Variants in DEFB104B observed in about 807,000 individuals in gnomAD.
The protein encoded by DEFB104B is defensin beta 104B.
In DEFB104B at chr8:7,471,379, T is replaced by C. The variant is rs1485181404; in HGVS notation, c.59-863A>G. 3.3e-5 allele frequency among the ~76,000 whole-genome samples: 3 copies of C among 91,954 alleles called. No homozygotes were observed. In the East Asian group the frequency reaches 9.9e-4, roughly 30 times the overall value. The allele number at this position is 91,954 out of a possible 152,430, so 60.3% of individuals were successfully genotyped here. A position where few individuals can be genotyped will look rare whatever the true frequency, so the allele number is the denominator to read the frequency against. Reference sequence around the variant, plus strand: ...AATAAGGACGTGGTGAGTAAATGATTGGATAGACTAGACCAGAATAAACTA... The same window carrying C: ...AATAAGGACGTGGTGAGTAAATGATCGGATAGACTAGACCAGAATAAACTA... On this transcript the variant is annotated intron_variant, in intron 1 of 1. Coordinates refer to ENST00000316169, the MANE Select transcript of DEFB104B (RefSeq NM_001040702.1).
chr8:7,471,154 A>G (rs1810926821), intron 1 of DEFB104B, among the ~76,000 whole-genome samples: 1 of 150,920 alleles, frequency 6.6e-6, no homozygotes, highest in Non-Finnish European at 1.5e-5. Context: ...TTATATATCT[A>G]TGTATCTATA....
Position 7,474,905 on chromosome 8 carries a change from A to C in DEFB104B, c.58+106T>G, listed in dbSNP as rs1351172506. ...AAGAGAAAAAAGGCTGAGATTGAAGAAGGTTACTCCATCCTTCAGGATTTA... is the reference window on the plus strand; with the variant it reads ...AAGAGAAAAAAGGCTGAGATTGAAGCAGGTTACTCCATCCTTCAGGATTTA... On this transcript the variant is annotated intron_variant, in intron 1 of 1. Transcript: ENST00000316169. 5 of 444,270 alleles carry C rather than the reference A, an allele frequency of 1.1e-5. 1 individual carries two copies. Among genetic ancestry groups the C allele is most frequent in the Non-Finnish European group, 2.1e-5 (5 of 233,114 alleles). The allele number at this position is 444,270 out of a possible 1,614,324, so 27.5% of individuals were successfully genotyped here.
intron 1 of DEFB104B, among the ~76,000 whole-genome samples, chr8:7,471,061 C>T (rs1166440754): frequency 1.3e-3 from 196 of 151,836 alleles, no homozygotes; most frequent in African/African-American, 4.2e-3. Flanking sequence ...TTTCTCTGTC[C>T]TCTTCGTGTA....
chr8:7,471,173 T>C (rs1319044902), intron 1 of DEFB104B, among the ~76,000 whole-genome samples: 45 of 148,090 alleles, frequency 3.0e-4, no homozygotes, highest in African/African-American at 8.9e-4. Context: ...TATAGGTATA[T>C]ATATATACAC....
Position 7,472,913 on chromosome 8 carries a change from A to G in DEFB104B, c.58+2098T>C, listed in dbSNP as rs1187968397. Among the ~76,000 whole-genome samples, 10 of 121,492 alleles carry G rather than the reference A, an allele frequency of 8.2e-5. 1 individual carries two copies. Among genetic ancestry groups the G allele is most frequent in the African/African-American group, 3.0e-4 (9 of 29,890 alleles). 79.7% of individuals were successfully genotyped at this position (121,492 alleles called of 152,430 possible). The stretch of plus-strand genomic sequence containing the variant: ...GCTCTGTCGCCTAGGGTAGAGTGCA[A>G]TGGCACGATCTCAGCTCACTGCAAC... On this transcript the variant is annotated intron_variant, in intron 1 of 1. Coordinates refer to ENST00000316169, the MANE Select transcript of DEFB104B (RefSeq NM_001040702.1).
At chr8:7,474,235 C>T (rs1811051200) in intron 1 of DEFB104B, among the ~76,000 whole-genome samples, 1 of 145,294 alleles carries the variant, frequency 6.9e-6, no homozygotes, top group South Asian at 2.2e-4. Context: ...TTGGTTTCGT[C>T]CCAGCACTGC....
chr8:7,471,128 C>G (rs1319981339), intron 1 of DEFB104B, among the ~76,000 whole-genome samples: 47 of 152,080 alleles, frequency 3.1e-4, no homozygotes, highest in Non-Finnish European at 5.1e-4. Context: ...TTTATATCAC[C>G]TATCGCAAGT....
intron 1 of DEFB104B, among the ~76,000 whole-genome samples, chr8:7,470,830 T>C (rs1285990997): frequency 1.6e-5 from 2 of 124,628 alleles, no homozygotes; most frequent in Admixed American, 8.6e-5. Context: ...CGTGATCTGA[T>C]CTTGGGCCAC....
intron 1 of DEFB104B, among the ~76,000 whole-genome samples, chr8:7,472,023 G>C (rs1441528684): frequency 3.8e-4 from 58 of 151,552 alleles, no homozygotes; most frequent in African/African-American, 1.3e-3. Context: ...GGATATTGAA[G>C]GGGTTAATAT....
intron 1 of DEFB104B, among the ~76,000 whole-genome samples, chr8:7,472,076 C>G (rs1165949517): frequency 6.7e-6 from 1 of 150,020 alleles, no homozygotes; most frequent in Non-Finnish European, 1.5e-5. Flanking sequence ...GACTGTTTTG[C>G]TGTAGGCTTC....
rs1233229639 is a variant in DEFB104B at position 7,474,904 on chromosome 8, G to T, written c.58+107C>A. On this transcript the variant is annotated intron_variant, in intron 1 of 1. Coordinates refer to ENST00000316169, the MANE Select transcript of DEFB104B (RefSeq NM_001040702.1). ...AAAGAGAAAAAAGGCTGAGATTGAAGAAGGTTACTCCATCCTTCAGGATTT... is the reference window on the plus strand; with the variant it reads ...AAAGAGAAAAAAGGCTGAGATTGAATAAGGTTACTCCATCCTTCAGGATTT... The T allele has an allele frequency of 9.0e-6, 4 of 443,360 alleles. 1 individual carries two copies. Among genetic ancestry groups the T allele is most frequent in the African/African-American group, 6.3e-5 (3 of 47,762 alleles). The allele number at this position is 443,360 out of a possible 1,614,324, so 27.5% of individuals were successfully genotyped here.
At chr8:7,474,430 T>C (rs1400708787) in intron 1 of DEFB104B, among the ~76,000 whole-genome samples, 2 of 142,500 alleles carry the variant, frequency 1.4e-5, no homozygotes, top group African/African-American at 5.2e-5. Context: ...GACATCTCAG[T>C]CTAAAATTTC....
At chr8:7,472,538 G>A (rs1271017308) in intron 1 of DEFB104B, among the ~76,000 whole-genome samples, 1 of 136,472 alleles carries the variant, frequency 7.3e-6, no homozygotes, top group Non-Finnish European at 1.5e-5. Flanking sequence ...ATACACTAAG[G>A]CTGAGTAATA....
At chr8:7,472,778 G>C (rs1268674014) in intron 1 of DEFB104B, among the ~76,000 whole-genome samples, 1 of 135,726 alleles carries the variant, frequency 7.4e-6, no homozygotes, top group Non-Finnish European at 1.5e-5. Context: ...CAGCTTGCTT[G>C]GTTTTATACA....
At chr8:7,472,043 C>T (rs1186941607) in intron 1 of DEFB104B, among the ~76,000 whole-genome samples, 2 of 151,320 alleles carry the variant, frequency 1.3e-5, no homozygotes, top group Admixed American at 1.3e-4. Flanking sequence ...TTTGGAATGG[C>T]CCCACAGCGG....
intron 1 of DEFB104B, among the ~76,000 whole-genome samples, chr8:7,471,067 G>A (rs1411012992): frequency 6.6e-5 from 10 of 152,134 alleles, no homozygotes; most frequent in Non-Finnish European, 8.8e-5. Flanking sequence ...TGTCCTCTTC[G>A]TGTATTCAAA....
In DEFB104B at chr8:7,474,069, G is replaced by T. The variant is rs1811044532; in HGVS notation, c.58+942C>A. The stretch of plus-strand genomic sequence containing the variant: ...AAAAAGGAAGAGTTAACCTAAACAG[G>T]TACCCTCTGAAAAAAAATCATTAAC... On this transcript the variant is annotated intron_variant, in intron 1 of 1. Transcript: ENST00000316169. Among the ~76,000 whole-genome samples the T allele has an allele frequency of 1.4e-5, 2 of 140,458 alleles. 1 individual carries two copies. The highest frequency in any genetic ancestry group is 3.2e-5 in the Non-Finnish European group (2 of 62,740). 92.1% of individuals were successfully genotyped at this position (140,458 alleles called of 152,430 possible). A position where few individuals can be genotyped will look rare whatever the true frequency, so the allele number is the denominator to read the frequency against.
At chr8:7,474,818 G>T (rs1428128141) in intron 1 of DEFB104B, among the ~76,000 whole-genome samples, 193 bp downstream of exon 1, 1 of 126,220 alleles carries the variant, frequency 7.9e-6, no homozygotes, top group Non-Finnish European at 1.8e-5. Context: ...AAGCCTCATG[G>T]CTGTAAGGTG....
chr8:7,472,800 C>T (rs1260060978), intron 1 of DEFB104B, among the ~76,000 whole-genome samples: 3 of 135,848 alleles, frequency 2.2e-5, no homozygotes, highest in Non-Finnish European at 4.6e-5. Flanking sequence ...TTTAGGGAGA[C>T]ATAATACATC....
Sources: gnomAD v4.1 joint callset for allele counts (sites outside exome capture counted in the v4.1 genomes callset) on GRCh38, gnomAD v4.1.1 for gene constraint, MANE v1.5 for transcripts, NCBI Gene and HGNC (gene_info 2026-07-23, HGNC 2026-07-21) for gene names.